INTS2: variants seen among roughly 807,000 people sequenced by gnomAD.
The protein encoded by INTS2 is KIAA1287.
A neutral mutation model predicts 139.6 loss-of-function variants in INTS2; 57 were observed. The observed-to-expected ratio is 0.41, with a 90% CI of 0.33 to 0.51. The LOEUF (loss-of-function observed/expected upper bound fraction) is 0.51, where lower values mean the gene tolerates loss of function less well. INTS2 is among the 20% of genes least tolerant of loss of function. INTS2 has a pLI of 0.28. For synonymous variants in INTS2, 473 were observed against 493.4 expected (o/e 0.96, Z 0.55); for missense variants, 1,196 against 1,436.7 (o/e 0.83, Z 2.71).
Position 61,887,065 on chromosome 17 carries a change from C to T in INTS2, c.1985-2060G>A, listed in dbSNP as rs147634110. Among the ~76,000 whole-genome samples the T allele has an allele frequency of 1.2e-4, 18 of 152,248 alleles. No individual in the cohort carries two copies. The East Asian group carries it at 2.5e-3, about 21-fold the overall frequency. The stretch of plus-strand genomic sequence containing the variant: ...TAAATCCTGGTTCCAATACTTATTA[C>T]AATACTTAATACTAACTTAGGGAAG... On this transcript the variant is annotated intron_variant, in intron 15 of 24. Coordinates refer to ENST00000251334, the MANE Select transcript of INTS2 (RefSeq NM_001351695.2).
intron 5 of INTS2, among the ~76,000 whole-genome samples, chr17:61,912,695 T>C (rs1054439669): frequency 6.6e-6 from 1 of 152,096 alleles, no homozygotes; most frequent in Non-Finnish European, 1.5e-5. Context: ...CCCAGTTCAA[T>C]GAGCCCTAAG....
rs1444329450 is a variant in INTS2, at chr17:61,927,919, A to G, written c.-284T>C. The G allele has an allele frequency of 9.3e-6, 15 of 1,613,844 alleles. No homozygotes were observed. The African/African-American group carries it at 1.9e-4, about 20-fold the overall frequency. On this transcript the variant is annotated 5_prime_UTR_variant, in exon 1 of 25. It removes the in-frame stop codon of an upstream open reading frame in the 5' UTR. Transcript: ENST00000251334. Reference sequence around the variant, plus strand: ...GAACGGAAAAGCGGGAGACTTTTTCAACCTGCACCCAGCACCTTCATTCAT... The same window carrying G: ...GAACGGAAAAGCGGGAGACTTTTTCGACCTGCACCCAGCACCTTCATTCAT...
At chr17:61,887,774 C>T (rs1401404807) in intron 15 of INTS2, among the ~76,000 whole-genome samples, 5 of 151,856 alleles carry the variant, frequency 3.3e-5, no homozygotes, top group African/African-American at 7.3e-5. Flanking sequence ...AAATCCAGGC[C>T]GGGTGTGATG....
In INTS2 at chr17:61,911,566, G is replaced by A. The variant is rs370336239; in HGVS notation, c.908C>T (p.Ala303Val). 20 of 1,613,794 alleles carry A rather than the reference G, an allele frequency of 1.2e-5. No individual in the cohort carries two copies. The highest frequency in any genetic ancestry group is 9.3e-5 in the African/African-American group (7 of 74,958). The stretch of plus-strand genomic sequence containing the variant: ...AGTTCCAAACCAAGTCCGGACTTTC[G>A]CATTTGTTCCAAGAAGCAAACCACT... The part of the protein sequence containing the change: ...FVSGLLLGTN[A>V]KVRTWFGTFI... Residue 303 changes from alanine to valine, a missense_variant, in exon 7 of 25, where the codon GCG (alanine) becomes GTG (valine). This residue lies in a region of INTS2 where 1,129 missense variants were observed against 1,341.9 expected (regional missense o/e 0.84). Coordinates refer to ENST00000251334, the MANE Select transcript of INTS2 (RefSeq NM_001351695.2).
chr17:61,896,704 A>G (rs1250835375), intron 11 of INTS2, among the ~76,000 whole-genome samples: 1 of 152,192 alleles, frequency 6.6e-6, no homozygotes, highest in African/African-American at 2.4e-5. Flanking sequence ...AAGAAATTCA[A>G]ACTAAGTGAT....
chr17:61,909,060 C>T lies in INTS2; in HGVS notation c.955-1426G>A, dbSNP rs2079495734. ...TAAAAACTGTTGCAAAATACATATG[C>T]ATAAGCAGGTGAACGTATAAAATAA... On this transcript the variant is annotated intron_variant, in intron 7 of 24. Coordinates refer to ENST00000251334, the MANE Select transcript of INTS2 (RefSeq NM_001351695.2). The surrounding 1 kb of genome is among the most constrained non-coding windows in gnomAD (Gnocchi z 4.9). 6.6e-6 allele frequency among the ~76,000 whole-genome samples: 1 copy of T among 152,094 alleles called. No homozygotes were observed. The highest frequency in any genetic ancestry group is 2.4e-5 in the African/African-American group (1 of 41,426).
In INTS2 at chr17:61,872,481, A is replaced by C; in HGVS notation, c.2583-21T>G. 1 of 1,431,456 alleles carries C rather than the reference A, an allele frequency of 7.0e-7. No homozygotes were observed. Among genetic ancestry groups the C allele is most frequent in the South Asian group, 1.3e-5 (1 of 75,076 alleles). The allele number at this position is 1,431,456 out of a possible 1,614,324, so 88.7% of individuals were successfully genotyped here. A position where few individuals can be genotyped will look rare whatever the true frequency, so the allele number is the denominator to read the frequency against. The stretch of plus-strand genomic sequence containing the variant: ...GGCATCTAAACAAGGAAAGCAGAAA[A>C]GAAAAATATATCAGAAAGAATATAA... On this transcript the variant is annotated intron_variant, in intron 19 of 24. Coordinates refer to ENST00000251334, the MANE Select transcript of INTS2 (RefSeq NM_001351695.2). The surrounding 1 kb of genome is among the most constrained non-coding windows in gnomAD (Gnocchi z 4.8).
Position 61,869,801 on chromosome 17 carries a change from A to C in INTS2, c.2966T>G (p.Ile989Ser). The change falls in exon 21 of 25, where the codon ATC (isoleucine) becomes AGC (serine). Residue 989 changes from isoleucine (I) to serine (S), a missense_variant. Physicochemically the swap from Ile to Ser is moderately radical, Grantham distance 142 (BLOSUM62 -2). Around this residue, in one of 3 missense-constraint regions of INTS2, gnomAD observed 1,129 missense variants for 1,341.9 expected, o/e 0.84. Transcript: ENST00000251334. The surrounding 1 kb of genome is among the most constrained non-coding windows in gnomAD (Gnocchi z 5.4). ...GTACATTTGGTGCAAGAGACAACAG[A>C]TAAGGCACTGAACTTCTCGAAGGTT... is the stretch of plus-strand genomic sequence containing the variant. ...LCNLREVQCL[I>S]CCLLHQMYIA... 1 of 1,613,902 alleles carries C rather than the reference A, an allele frequency of 6.2e-7. No individual in the cohort carries two copies. Among genetic ancestry groups the C allele is most frequent in the Non-Finnish European group, 8.5e-7 (1 of 1,179,792 alleles).
Position 61,868,048 on chromosome 17 carries a change from T to A in INTS2, c.3245-39A>T. 6.8e-7 allele frequency: 1 copy of A among 1,462,876 alleles called. No homozygotes were observed. The highest frequency in any genetic ancestry group is 1.4e-5 in the South Asian group (1 of 72,486). 90.6% of individuals were successfully genotyped at this position (1,462,876 alleles called of 1,614,324 possible). Reference sequence around the variant, plus strand: ...ATGAAACAATATTTTAGTTTACAAATATAAATTCAACACAGCTTACACAAC... The same window carrying A: ...ATGAAACAATATTTTAGTTTACAAAAATAAATTCAACACAGCTTACACAAC... On this transcript the variant is annotated intron_variant, in intron 23 of 24. Transcript: ENST00000251334. This position sits in a 1 kb window ranked among gnomAD's most constrained non-coding sequence, Gnocchi z 4.7.
intron 16 of INTS2, 52 bp downstream of exon 16, chr17:61,884,849 G>T: frequency 9.1e-7 from 1 of 1,103,836 alleles, no homozygotes. Context: ...ATTATAAACA[G>T]AAAGGTTTTT....
chr17:61,889,624 T>A (rs958330322), intron 15 of INTS2, among the ~76,000 whole-genome samples, 162 bp downstream of exon 15: 1 of 152,216 alleles, frequency 6.6e-6, no homozygotes, highest in African/African-American at 2.4e-5. Flanking sequence ...CCAACATACA[T>A]GATTTATGTA....
chr17:61,871,258 C>T lies in INTS2; in HGVS notation c.2778+1007G>A, dbSNP rs972266883. Among the ~76,000 whole-genome samples, 1 of 152,142 alleles carries T rather than the reference C, an allele frequency of 6.6e-6. No individual in the cohort carries two copies. Among genetic ancestry groups the T allele is most frequent in the South Asian group, 2.1e-4 (1 of 4,816 alleles). On this transcript the variant is annotated intron_variant, in intron 20 of 24. Coordinates refer to ENST00000251334, the MANE Select transcript of INTS2 (RefSeq NM_001351695.2). The surrounding 1 kb of genome is among the most constrained non-coding windows in gnomAD (Gnocchi z 4.9). Reference sequence around the variant, plus strand: ...GCCTCAGCCTCCCAAGTAGCTGGGACTACAGGTTTGGGCCACCACGCCCGG... The same window carrying T: ...GCCTCAGCCTCCCAAGTAGCTGGGATTACAGGTTTGGGCCACCACGCCCGG...
chr17:61,868,068 C>T lies in INTS2; in HGVS notation c.3245-59G>A, dbSNP rs2079060678. ...ACAAATATAAATTCAACACAGCTTA[C>T]ACAACATACTAAGGGGAACTATGCT... On this transcript the variant is annotated intron_variant, in intron 23 of 24. Transcript: ENST00000251334. This position sits in a 1 kb window ranked among gnomAD's most constrained non-coding sequence, Gnocchi z 4.7. The T allele has an allele frequency of 7.5e-7, 1 of 1,333,994 alleles. No homozygotes were observed. Among genetic ancestry groups the T allele is most frequent in the Non-Finnish European group, 1.0e-6 (1 of 986,558 alleles). 82.6% of individuals were successfully genotyped at this position (1,333,994 alleles called of 1,614,324 possible). A position where few individuals can be genotyped will look rare whatever the true frequency, so the allele number is the denominator to read the frequency against.
rs903609532 is a variant in INTS2, at chr17:61,882,056, T to C, written c.2090-885A>G. 6.6e-6 allele frequency among the ~76,000 whole-genome samples: 1 copy of C among 152,232 alleles called. No homozygotes were observed. Among genetic ancestry groups the C allele is most frequent in the South Asian group, 2.1e-4 (1 of 4,836 alleles). On this transcript the variant is annotated intron_variant, in intron 16 of 24. Coordinates refer to ENST00000251334, the MANE Select transcript of INTS2 (RefSeq NM_001351695.2). The surrounding 1 kb of genome is among the most constrained non-coding windows in gnomAD (Gnocchi z 4.7). The stretch of plus-strand genomic sequence containing the variant: ...GAGAACATGCCCTTTCCTCCAACCC[T>C]GTTGAGAATCATCACTATAGATATG...
chr17:61,911,592 TA>T lies in INTS2; in HGVS notation c.881del (p.Val294GlufsTer38). ...EDGVSDLVCF[V>X]SGLLLGTNAK... ...CATTTGTTCCAAGAAGCAAACCACTTACAAAACAAACCAAGTCACTCACTCC... is the reference window on the plus strand; with the variant it reads ...CATTTGTTCCAAGAAGCAAACCACTTCAAAACAAACCAAGTCACTCACTCC... On this transcript the variant is annotated frameshift_variant, in exon 7 of 25. Transcript: ENST00000251334. LOFTEE classifies it high-confidence loss of function. The T allele has an allele frequency of 6.2e-7, 1 of 1,613,964 alleles. No homozygotes were observed. Among genetic ancestry groups the T allele is most frequent in the Non-Finnish European group, 8.5e-7 (1 of 1,179,882 alleles).
chr17:61,910,918 G>A (rs1470794480), intron 7 of INTS2: 1 of 151,830 alleles, frequency 6.6e-6, no homozygotes, highest in Non-Finnish European at 1.5e-5. Flanking sequence ...ACAAGGGTAC[G>A]GTGCAGTTTC....
Position 61,908,860 on chromosome 17 carries a change from A to T in INTS2, c.955-1226T>A, listed in dbSNP as rs1278819557. Among the ~76,000 whole-genome samples the T allele has an allele frequency of 2.0e-5, 3 of 152,254 alleles. No homozygotes were observed. The East Asian group carries it at 5.8e-4, about 29-fold the overall frequency. ...CTATAAAATAGAACTTGAATATTTT[A>T]AAAAACTATGATTCAGTAGCTTAAA... is the stretch of plus-strand genomic sequence containing the variant. On this transcript the variant is annotated intron_variant, in intron 7 of 24. Coordinates refer to ENST00000251334, the MANE Select transcript of INTS2 (RefSeq NM_001351695.2).
Position 61,866,198 on chromosome 17 carries a change from T to C in INTS2, c.*1359A>G, listed in dbSNP as rs11649939. 1 allele frequency: 152,234 copies of C among 152,234 alleles called. 76,117 individuals carry two copies. The highest frequency in any genetic ancestry group is 1 in the Non-Finnish European group (68,072 of 68,072). 9.4% of individuals were successfully genotyped at this position (152,234 alleles called of 1,614,324 possible). A position where few individuals can be genotyped will look rare whatever the true frequency, so the allele number is the denominator to read the frequency against. ...TGGGCAACATGGCAAACCCCCGTCT[T>C]TACTAAAAATACAAAAATACAGGTG... On this transcript the variant is annotated 3_prime_UTR_variant, in exon 25 of 25. Coordinates refer to ENST00000251334, the MANE Select transcript of INTS2 (RefSeq NM_001351695.2).
At chr17:61,892,578 G>A (rs1258984858) in intron 13 of INTS2, among the ~76,000 whole-genome samples, 2 of 152,102 alleles carry the variant, frequency 1.3e-5, no homozygotes, top group African/African-American at 4.8e-5. Flanking sequence ...AATTGCTTGA[G>A]ACCAGGAGTT....
Sources: gnomAD v4.1 joint callset for allele counts (sites outside exome capture counted in the v4.1 genomes callset) on GRCh38, gnomAD v4.1.1 for gene constraint, gnomAD v4.1.1 regional missense constraint, Gnocchi (gnomAD v3.1) non-coding constraint, MANE v1.5 for transcripts, NCBI Gene and HGNC (gene_info 2026-07-23, HGNC 2026-07-21) for gene names.